The following PRKG1 variants were observed in gnomAD, a reference collection of about 807,000 sequenced individuals.
The protein encoded by PRKG1 is cGMP-dependent protein kinase 1.
Under a neutral mutation model 88.1 loss-of-function variants are expected in PRKG1, and 35 were observed. The ratio of observed to expected loss-of-function variants is 0.40; its 90% CI spans 0.30 to 0.53. PRKG1 has a LOEUF of 0.53. Among genes scored for constraint, PRKG1 ranks in the 20% least tolerant of loss-of-function variants. PRKG1 has a pLI of 0.59. For missense variants in PRKG1, 540 were observed against 839.8 expected (o/e 0.64, Z 4.41); for synonymous variants, 303 against 292.5 (o/e 1.04, Z -0.37).
At chr10:51,019,241 A>T (rs1843103925) in intron 1 of PRKG1, among the ~76,000 whole-genome samples, 1 of 152,208 alleles carries the variant, frequency 6.6e-6, no homozygotes, top group Non-Finnish European at 1.5e-5. Context: ...TCATGATTTT[A>T]TATAATAAAG....
chr10:51,709,898 A>G (rs1425706398), intron 3 of PRKG1, among the ~76,000 whole-genome samples: 2 of 152,198 alleles, frequency 1.3e-5, no homozygotes, highest in African/African-American at 4.8e-5. Flanking sequence ...AAGGAAACTT[A>G]CCTGACACAT....
At chr10:51,417,336 A>G (rs541854838) in intron 2 of PRKG1, among the ~76,000 whole-genome samples, 2 of 152,158 alleles carry the variant, frequency 1.3e-5, no homozygotes, top group Non-Finnish European at 2.9e-5. Context: ...AAGCTTCCCC[A>G]CTGGAATCCA....
intron 8 of PRKG1, among the ~76,000 whole-genome samples, chr10:52,149,608 AG>A (rs1223254510): frequency 6.6e-6 from 1 of 151,940 alleles, no homozygotes; most frequent in African/African-American, 2.4e-5. Context: ...GGATGCCGTG[AG>A]TAGGGGCCTG....
chr10:51,628,973 A>AAAAC (rs1554827085), intron 3 of PRKG1, among the ~76,000 whole-genome samples: 4 of 85,908 alleles, frequency 4.7e-5, no homozygotes, highest in African/African-American at 9.4e-5. Flanking sequence ...CTCAAAAAAA[A>AAAAC]AAAAAACAAA....
chr10:51,276,455 C>T (rs1467378545), intron 2 of PRKG1, among the ~76,000 whole-genome samples: 1 of 152,082 alleles, frequency 6.6e-6, no homozygotes, highest in African/African-American at 2.4e-5. Flanking sequence ...AGCAGCATGA[C>T]TTATAATCCT....
chr10:51,032,632 G>A (rs968248893), intron 1 of PRKG1, among the ~76,000 whole-genome samples: 3 of 152,074 alleles, frequency 2.0e-5, no homozygotes, highest in Non-Finnish European at 2.9e-5. Context: ...GGTGGCTCAT[G>A]CTTCTAATCC....
chr10:51,655,867 G>A (rs1422437864), intron 3 of PRKG1, among the ~76,000 whole-genome samples: 1 of 152,030 alleles, frequency 6.6e-6, no homozygotes, highest in Non-Finnish European at 1.5e-5. Flanking sequence ...CGAAATATTG[G>A]GGATAATAGA....
chr10:51,633,371 TAGCTGAACATCCTGA>T (rs1390408913), intron 3 of PRKG1, among the ~76,000 whole-genome samples: 4 of 152,160 alleles, frequency 2.6e-5, no homozygotes, highest in Non-Finnish European at 5.9e-5. Flanking sequence ...TCTAACAGTT[TAGCTGAACATCCTGA>T]AGCAAGCGAG....
intron 2 of PRKG1, among the ~76,000 whole-genome samples, chr10:51,432,300 A>G (rs1027598612): frequency 2.6e-5 from 4 of 152,190 alleles, no homozygotes; most frequent in Non-Finnish European, 5.9e-5. Context: ...TTTTCATAAA[A>G]TAATTATATA....
intron 1 of PRKG1, among the ~76,000 whole-genome samples, chr10:51,144,885 G>T (rs181677646): frequency 1.8e-4 from 27 of 152,196 alleles, no homozygotes; most frequent in Admixed American, 7.2e-4. Flanking sequence ...AAGAGAAAGT[G>T]TACACTTTGG....
At chr10:51,978,215 G>A (rs921430570) in intron 5 of PRKG1, among the ~76,000 whole-genome samples, 3 of 151,912 alleles carry the variant, frequency 2.0e-5, no homozygotes, top group African/African-American at 4.8e-5. Context: ...ATTGAATAGG[G>A]AGTCCTTATC....
At chr10:51,089,947 T>A (rs1031273985) in intron 1 of PRKG1, among the ~76,000 whole-genome samples, 1 of 152,208 alleles carries the variant, frequency 6.6e-6, no homozygotes, top group African/African-American at 2.4e-5. Context: ...GAGAAGCCAC[T>A]GACTCCTGTG....
At chr10:52,275,864 T>C (rs1039072171) in intron 12 of PRKG1, among the ~76,000 whole-genome samples, 1 of 152,140 alleles carries the variant, frequency 6.6e-6, no homozygotes, top group African/African-American at 2.4e-5. Context: ...CAGTGTTTTG[T>C]AGTTTTTCTG....
rs1406914820 is a variant in PRKG1, at chr10:51,957,613, A to G, written c.762+50043A>G. 4.6e-5 allele frequency among the ~76,000 whole-genome samples: 7 copies of G among 152,304 alleles called. No homozygotes were observed. In the South Asian group the frequency reaches 1.2e-3, roughly 27 times the overall value. On this transcript the variant is annotated intron_variant, in intron 5 of 17. Transcript: ENST00000373980. ...CAACTGTGAAAAATATTTTAAAACT[A>G]TAAATTACTATTGGGTCATGCAGGT...
chr10:51,371,247 G>T (rs6480177), intron 2 of PRKG1, among the ~76,000 whole-genome samples: 4,030 of 151,964 alleles, frequency 0.027, 157 homozygotes, highest in African/African-American at 0.089. Context: ...TCTTTAAAAT[G>T]ATGATCATGC....
At chr10:52,287,586 G>T (rs1842147233) in intron 14 of PRKG1, among the ~76,000 whole-genome samples, 1 of 151,836 alleles carries the variant, frequency 6.6e-6, no homozygotes, top group Admixed American at 6.6e-5. Context: ...ATTCGTCAAG[G>T]TGTATCATCA....
intron 2 of PRKG1, among the ~76,000 whole-genome samples, chr10:51,179,739 C>T (rs776048934): frequency 2.6e-5 from 4 of 152,132 alleles, no homozygotes; most frequent in African/African-American, 4.8e-5. Context: ...TTCCCTTATT[C>T]AAATGATAGC....
intron 2 of PRKG1, among the ~76,000 whole-genome samples, chr10:51,239,628 T>C (rs1278693831): frequency 6.6e-6 from 1 of 152,180 alleles, no homozygotes; most frequent in African/African-American, 2.4e-5. Flanking sequence ...AGATCTGCAG[T>C]GGAGAAACAA....
At chr10:51,053,775 T>G (rs1484855171) in intron 1 of PRKG1, among the ~76,000 whole-genome samples, 1 of 63,278 alleles carries the variant, frequency 1.6e-5, no homozygotes, top group African/African-American at 4.4e-5. Flanking sequence ...ATGGGTTTTT[T>G]TTGTTTTTTT....
Sources: allele counts gnomAD v4.1 joint callset (sites outside exome capture counted in the v4.1 genomes callset), GRCh38; gene constraint gnomAD v4.1.1; transcripts MANE v1.5; gene names NCBI Gene and HGNC (gene_info 2026-07-23, HGNC 2026-07-21).